COL20A1: variants seen among roughly 807,000 people sequenced by gnomAD.
COL20A1 encodes the protein collagen type XX alpha 1 chain.
In COL20A1, 164 loss-of-function variants were observed where a neutral mutation model predicts 152.9. The observed-to-expected ratio is 1.07, with a 90% CI of 0.94 to 1.22. The LOEUF (loss-of-function observed/expected upper bound fraction) is 1.22, where lower values mean the gene tolerates loss of function less well. COL20A1 is among the 50% of genes most tolerant of loss of function. The pLI is 0.00. For synonymous variants in COL20A1, 864 were observed against 756.0 expected (o/e 1.14, Z -2.34); for missense variants, 1,873 against 1,744.8 (o/e 1.07, Z -1.31).
chr20:63,299,341 C>T (rs1011979089), intron 3 of COL20A1, among the ~76,000 whole-genome samples: 9 of 152,176 alleles, frequency 5.9e-5, no homozygotes, highest in Admixed American at 5.9e-4. Context: ...GTGTATACTC[C>T]CGTCAACACT....
intron 15 of COL20A1, 77 bp from the exon 16 acceptor site, chr20:63,312,715 C>G: frequency 1.4e-6 from 2 of 1,474,988 alleles, no homozygotes; most frequent in Non-Finnish European, 1.8e-6. Flanking sequence ...TAGGGTGCTC[C>G]TGGGTGTGGC....
chr20:63,296,186 T>C (rs1343163766), intron 2 of COL20A1, among the ~76,000 whole-genome samples: 1 of 152,246 alleles, frequency 6.6e-6, no homozygotes, highest in Non-Finnish European at 1.5e-5. Context: ...CAACAGACCA[T>C]TGCATGAGCA....
rs2068363245 is a variant in COL20A1 at position 63,333,944 on chromosome 20, A to C, written c.*3228A>C. On this transcript the variant is annotated 3_prime_UTR_variant, in exon 36 of 36. Transcript: ENST00000358894. ...TCACACCAGGGCAGATGGTGGGGGA[A>C]GCCAGTGTCTGTAGATTCAGTGCAT... The C allele has an allele frequency of 6.6e-6, 1 of 152,322 alleles. No homozygotes were observed. Among genetic ancestry groups the C allele is most frequent in the African/African-American group, 2.4e-5 (1 of 41,450 alleles). 9.4% of individuals were successfully genotyped at this position (152,322 alleles called of 1,614,324 possible).
In COL20A1 at chr20:63,309,856, C is replaced by T. The variant is rs745817287; in HGVS notation, c.1204C>T (p.Arg402Trp). Residue 402 changes from arginine to tryptophan, a missense_variant, in exon 10 of 36, where the codon CGG becomes TGG. Arg to Trp is a moderately radical substitution (Grantham distance 101, BLOSUM62 -3). Coordinates refer to ENST00000358894, the MANE Select transcript of COL20A1 (RefSeq NM_020882.4). ...CCGCCTGTCCTGGACTCCAGCCCCCCGGCACCCCCTCAAGTATCTGATCGT... is the reference window on the plus strand; with the variant it reads ...CCGCCTGTCCTGGACTCCAGCCCCCTGGCACCCCCTCAAGTATCTGATCGT... ...SIRLSWTPAP[R>W]HPLKYLIVWR... 1.5e-5 allele frequency: 24 copies of T among 1,611,560 alleles called. 1 individual carries two copies. Among genetic ancestry groups the T allele is most frequent in the South Asian group, 1.2e-4 (11 of 90,956 alleles).
intron 1 of COL20A1, among the ~76,000 whole-genome samples, chr20:63,294,683 A>G (rs1048831792): frequency 6.6e-6 from 1 of 152,114 alleles, no homozygotes; most frequent in Non-Finnish European, 1.5e-5. Flanking sequence ...ATGTCCAGCA[A>G]TCAGACATTG....
rs1439585117 is a variant in COL20A1 at position 63,333,153 on chromosome 20, C to G, written c.*2437C>G. ...CCAGAGGCCCCTCTGTAGTGGGCCT[C>G]GGTCCCCTCTCCACCCCCAGAGGCA... On this transcript the variant is annotated 3_prime_UTR_variant, in exon 36 of 36. Transcript: ENST00000358894. The G allele has an allele frequency of 6.6e-6, 1 of 152,328 alleles. No individual in the cohort carries two copies. Among genetic ancestry groups the G allele is most frequent in the Non-Finnish European group, 1.5e-5 (1 of 68,188 alleles). The allele number at this position is 152,328 out of a possible 1,614,324, so 9.4% of individuals were successfully genotyped here. A position where few individuals can be genotyped will look rare whatever the true frequency, so the allele number is the denominator to read the frequency against.
rs371250763 is a variant in COL20A1, at chr20:63,320,788, G to A, written c.3154-225G>A. 2.6e-5 allele frequency among the ~76,000 whole-genome samples: 4 copies of A among 152,162 alleles called. No homozygotes were observed. In the East Asian group the frequency reaches 5.8e-4, roughly 22 times the overall value. On this transcript the variant is annotated intron_variant, in intron 25 of 35. Coordinates refer to ENST00000358894, the MANE Select transcript of COL20A1 (RefSeq NM_020882.4). Reference sequence around the variant, plus strand: ...CTGTCCTGGGGCTCATGCGGACAGCGTGGCAGGGTGGGAACCCAGGGCCGG... The same window carrying A: ...CTGTCCTGGGGCTCATGCGGACAGCATGGCAGGGTGGGAACCCAGGGCCGG...
intron 31 of COL20A1, 195 bp from the exon 32 acceptor site, chr20:63,327,757 T>C (rs981648840): frequency 8.2e-6 from 5 of 610,660 alleles, no homozygotes; most frequent in African/African-American, 1.9e-5. Context: ...GAACCGAGCC[T>C]CTCACATGCC....
At chr20:63,327,880 G>A (rs1462940874) in intron 31 of COL20A1, 72 bp from the exon 32 acceptor site, 2 of 1,466,498 alleles carry the variant, frequency 1.4e-6, no homozygotes, top group Non-Finnish European at 1.9e-6. Flanking sequence ...CCACCTCAGG[G>A]CCATCTCACA....
intron 21 of COL20A1, 148 bp from the exon 22 acceptor site, chr20:63,318,910 A>C (rs1255186454): frequency 3.1e-6 from 2 of 641,728 alleles, no homozygotes; most frequent in African/African-American, 3.7e-5. Flanking sequence ...ACAGCTGGGA[A>C]GGGTGTGCGG....
intron 3 of COL20A1, among the ~76,000 whole-genome samples, chr20:63,303,331 G>C (rs2123382148): frequency 6.6e-6 from 1 of 152,258 alleles, no homozygotes; most frequent in African/African-American, 2.4e-5. Context: ...AAGTAGATGG[G>C]ATTACAGGCA....
intron 27 of COL20A1, chr20:63,324,170 A>G (rs2068209617): frequency 6.6e-6 from 1 of 152,230 alleles, no homozygotes; most frequent in Admixed American, 6.5e-5. Context: ...ACTGGCCGTG[A>G]CCGCTGTGTA....
rs561064732 is a variant in COL20A1 at position 63,308,835 on chromosome 20, C to T, written c.940+129C>T. ...TCCACATCTGCGGCACGGAGCTGCA[C>T]GCAGAGCCAGGCACCGCCTGGCACT... On this transcript the variant is annotated intron_variant, in intron 8 of 35. Coordinates refer to ENST00000358894, the MANE Select transcript of COL20A1 (RefSeq NM_020882.4). The T allele has an allele frequency of 1.6e-3, 1,366 of 878,348 alleles. 10 individuals are homozygous for T. The highest frequency in any genetic ancestry group is 6.6e-3 in the South Asian group (358 of 54,340). 54.4% of individuals were successfully genotyped at this position (878,348 alleles called of 1,614,324 possible).
At chr20:63,314,935 TCTC>T (rs1385815225) in intron 19 of COL20A1, among the ~76,000 whole-genome samples, 2 of 143,222 alleles carry the variant, frequency 1.4e-5, no homozygotes, top group Non-Finnish European at 3.0e-5. Context: ...GTCCCCAGCC[TCTC>T]CTCACACCAG....
At chr20:63,315,378 A>G (rs1432116384) in intron 19 of COL20A1, 26 bp from the exon 20 acceptor site, 7 of 1,565,520 alleles carry the variant, frequency 4.5e-6, no homozygotes, top group African/African-American at 1.4e-5. Flanking sequence ...GCTCCCACTC[A>G]CACTGACCCT....
intron 3 of COL20A1, among the ~76,000 whole-genome samples, chr20:63,300,879 A>G (rs773134579): frequency 6.6e-6 from 1 of 152,172 alleles, no homozygotes; most frequent in Non-Finnish European, 1.5e-5. Flanking sequence ...TTGTTACGAT[A>G]TTTTTATTTG....
chr20:63,311,924 GC>G lies in COL20A1; in HGVS notation c.1679del (p.Pro560ArgfsTer9), dbSNP rs761988638. ...TCTGCTGTGCTTTGCAGCCACCCTGGCCCCCCCGAGACACCTGGGCTTCTCA... is the reference window on the plus strand; with the variant it reads ...TCTGCTGTGCTTTGCAGCCACCCTGGCCCCCCGAGACACCTGGGCTTCTCA... ...RGIRARTPTLAPPRHLGFSDV... is the reference protein window; with the variant it reads ...RGIRARTPTLXPPRHLGFSDV... On this transcript the variant is annotated frameshift_variant, in exon 14 of 36. Transcript: ENST00000358894. LOFTEE classifies it high-confidence loss of function. This position sits in a 1 kb window ranked among gnomAD's most constrained non-coding sequence, Gnocchi z 4.4. 33 of 1,553,352 alleles carry G rather than the reference GC, an allele frequency of 2.1e-5. No homozygotes were observed. The highest frequency in any genetic ancestry group is 1.3e-4 in the Admixed American group (7 of 52,422).
Position 63,321,023 on chromosome 20 carries a change from A to G in COL20A1, c.3164A>G (p.Glu1055Gly), listed in dbSNP as rs1357305103. The G allele has an allele frequency of 6.3e-7, 1 of 1,579,906 alleles. No homozygotes were observed. The highest frequency in any genetic ancestry group is 8.6e-7 in the Non-Finnish European group (1 of 1,164,312). Residue 1055 changes from glutamate to glycine, a missense_variant, in exon 26 of 36, where the codon GAG (glutamate) becomes GGG (glycine). By Grantham distance (98) the Glu-to-Gly change is moderately conservative. Coordinates refer to ENST00000358894, the MANE Select transcript of COL20A1 (RefSeq NM_020882.4). Reference protein sequence around the residue: ...CCELPASRDGETCPAFVSACS... With the variant: ...CCELPASRDGGTCPAFVSACS... ...TCTCTCTTCTTCCAGAGGGATGGAG[A>G]GACCTGCCCCGCCTTCGTGTCTGCC... is the stretch of plus-strand genomic sequence containing the variant.
At chr20:63,326,012 T>C in intron 29 of COL20A1, 84 bp from the exon 30 acceptor site, 1 of 1,224,472 alleles carries the variant, frequency 8.2e-7, no homozygotes, top group Non-Finnish European at 1.2e-6. Context: ...CAGGGTGTGT[T>C]GGGTGCTGCT....
Sources: allele counts gnomAD v4.1 joint callset (sites outside exome capture counted in the v4.1 genomes callset), GRCh38; gene constraint gnomAD v4.1.1; non-coding constraint Gnocchi (gnomAD v3.1); transcripts MANE v1.5; gene names NCBI Gene and HGNC (gene_info 2026-07-23, HGNC 2026-07-21).